Variants in RHBDD1 observed in about 807,000 individuals in gnomAD.
RHBDD1 encodes the protein rhomboid-related protein 4.
In RHBDD1, 38 loss-of-function variants were observed where a neutral mutation model predicts 36.3. That is an observed-to-expected ratio of 1.05 (90% confidence interval 0.81 to 1.37). RHBDD1 has a LOEUF of 1.37. RHBDD1 is among the 40% of genes most tolerant of loss of function. The pLI is 0.00. For synonymous variants in RHBDD1, 151 were observed against 136.5 expected (o/e 1.11, Z -0.74); for missense variants, 393 against 377.6 (o/e 1.04, Z -0.34).
chr2:226,856,154 G>A (rs1418851737), intron 3 of RHBDD1, among the ~76,000 whole-genome samples: 1 of 152,074 alleles, frequency 6.6e-6, no homozygotes, highest in Non-Finnish European at 1.5e-5. Flanking sequence ...ATGATGTGAA[G>A]CCATACTATC....
At chr2:226,867,445 A>T (rs1287538119) in intron 5 of RHBDD1, 127 bp downstream of exon 5, 6 of 1,219,766 alleles carry the variant, frequency 4.9e-6, no homozygotes, top group East Asian at 2.5e-5. Context: ...TTAGGACAGA[A>T]TCAAGCTTAA....
intron 5 of RHBDD1, chr2:226,895,871 C>G (rs1247187798): frequency 7.6e-6 from 7 of 925,686 alleles, no homozygotes; most frequent in Admixed American, 1.2e-4. Context: ...AAAATGAGAG[C>G]CTTGCTCGGT....
At position 226,974,382 on chromosome 2, in the gene RHBDD1, C is replaced by T. The variant is rs963672474; in HGVS notation, c.857-21049C>T. On this transcript the variant is annotated intron_variant, in intron 8 of 8. Coordinates refer to ENST00000392062, the MANE Select transcript of RHBDD1 (RefSeq NM_001167608.3). ...CCTCCTGAGTAGCTGGAATTACAGG[C>T]GCCCACCACTGGGCCTGGCTAATTT... Among the ~76,000 whole-genome samples, 9 of 152,082 alleles carry T rather than the reference C, an allele frequency of 5.9e-5. 1 individual carries two copies. The South Asian group carries it at 1.2e-3, about 21-fold the overall frequency.
chr2:226,988,650 A>G (rs1470226768), intron 8 of RHBDD1: 1 of 985,298 alleles, frequency 1.0e-6, no homozygotes, highest in East Asian at 1.1e-4. Context: ...TTCTGAGAGG[A>G]AGGTAGGATT....
the RHBDD1 span, among the ~76,000 whole-genome samples, chr2:226,822,427 G>C: frequency 1.3e-5 from 2 of 152,210 alleles, no homozygotes; most frequent in African/African-American, 2.4e-5. Context: ...CTAAGGTCAG[G>C]AGTTTGAGAT....
intron 3 of RHBDD1, among the ~76,000 whole-genome samples, chr2:226,840,911 C>G (rs1267262144): frequency 1.3e-5 from 2 of 151,150 alleles, no homozygotes; most frequent in East Asian, 3.9e-4. Context: ...TAAAAAGTCT[C>G]TTGGGCAATA....
chr2:226,894,909 GCC>G, intron 5 of RHBDD1, among the ~76,000 whole-genome samples: 1 of 152,150 alleles, frequency 6.6e-6, no homozygotes. Context: ...GGTCACACTG[GCC>G]CGGGATGATC....
intron 8 of RHBDD1, among the ~76,000 whole-genome samples, chr2:226,963,544 G>T (rs528686214): frequency 4.5e-4 from 69 of 152,194 alleles, no homozygotes; most frequent in Non-Finnish European, 9.4e-4. Context: ...AGTGTTCTTT[G>T]TCTTCCTTTC....
chr2:226,939,328 T>A (rs1950530559), intron 8 of RHBDD1, among the ~76,000 whole-genome samples: 1 of 152,190 alleles, frequency 6.6e-6, no homozygotes, highest in Non-Finnish European at 1.5e-5. Context: ...AGAGAGGAAG[T>A]CAAACTATCT....
upstream of RHBDD1, chr2:226,835,984 C>T (rs1274459595): frequency 1.3e-5 from 2 of 152,666 alleles, no homozygotes; most frequent in Non-Finnish European, 2.9e-5. Flanking sequence ...AGGCCCTCCC[C>T]TCCCGCACCC....
intron 5 of RHBDD1, among the ~76,000 whole-genome samples, chr2:226,877,550 CTTTTTTTTTTTT>C (rs80311532): frequency 8.3e-6 from 1 of 120,804 alleles, no homozygotes; most frequent in Non-Finnish European, 1.8e-5. Flanking sequence ...AGCCATTTTC[CTTTTTTTTTTTT>C]TTTTTTTTAA....
chr2:226,870,678 C>T (rs532265043), intron 5 of RHBDD1, among the ~76,000 whole-genome samples: 3 of 152,164 alleles, frequency 2.0e-5, no homozygotes, highest in Non-Finnish European at 4.4e-5. Flanking sequence ...GAAAGCCTTA[C>T]TAATAACATA....
At chr2:226,804,464 T>C in the RHBDD1 span, 1 of 152,210 alleles carries the variant, frequency 6.6e-6, no homozygotes, top group Non-Finnish European at 1.5e-5. Flanking sequence ...TTACTACAGC[T>C]GGGTGGAGCA....
rs574311113 is a variant in RHBDD1, at chr2:226,940,102, A to G, written c.856+25751A>G. Among the ~76,000 whole-genome samples the G allele has an allele frequency of 3.3e-5, 5 of 152,316 alleles. No individual in the cohort carries two copies. The East Asian group carries it at 9.6e-4, about 29-fold the overall frequency. ...GCTGGACCCCTTCCCTACACCTTAT[A>G]AAAAAATCAGCTCAAGATGGATCAA... On this transcript the variant is annotated intron_variant, in intron 8 of 8. Coordinates refer to ENST00000392062, the MANE Select transcript of RHBDD1 (RefSeq NM_001167608.3).
chr2:226,905,459 G>A (rs1284964182), intron 5 of RHBDD1, among the ~76,000 whole-genome samples: 2 of 152,186 alleles, frequency 1.3e-5, no homozygotes, highest in African/African-American at 2.4e-5. Context: ...TGGGAATGGA[G>A]GTAGTAGACG....
intron 8 of RHBDD1, among the ~76,000 whole-genome samples, chr2:226,959,886 G>A (rs554329614): frequency 1.5e-4 from 23 of 152,052 alleles, no homozygotes; most frequent in Admixed American, 7.2e-4. Flanking sequence ...GCAGTGGCGC[G>A]ATCTCGGCTC....
At chr2:226,812,693 T>A in the RHBDD1 span, among the ~76,000 whole-genome samples, 1 of 152,040 alleles carries the variant, frequency 6.6e-6, no homozygotes, top group South Asian at 2.1e-4. Context: ...CACAGAAAAA[T>A]TCTAGAATGG....
At chr2:226,984,977 A>C (rs1956620492) in intron 8 of RHBDD1, among the ~76,000 whole-genome samples, 1 of 151,226 alleles carries the variant, frequency 6.6e-6, no homozygotes, top group African/African-American at 2.4e-5. Flanking sequence ...ATTGGGGGCA[A>C]GTACAAGTGG....
intron 3 of RHBDD1, among the ~76,000 whole-genome samples, chr2:226,861,764 T>A (rs1394248345): frequency 1.3e-5 from 2 of 152,170 alleles, no homozygotes; most frequent in Non-Finnish European, 2.9e-5. Flanking sequence ...ATTGATAAAT[T>A]TAGGAGAATT....
Sources: gnomAD v4.1 joint callset for allele counts (sites outside exome capture counted in the v4.1 genomes callset) on GRCh38, gnomAD v4.1.1 for gene constraint, MANE v1.5 for transcripts, NCBI Gene and HGNC (gene_info 2026-07-23, HGNC 2026-07-21) for gene names.